Variants in CACNA2D1 observed in about 807,000 individuals in gnomAD.
The protein encoded by CACNA2D1 is voltage-dependent calcium channel subunit alpha-2/delta-1.
CACNA2D1 carries 53 observed loss-of-function variants against 171.5 expected under a neutral mutation model. The observed-to-expected ratio is 0.31, with a 90% CI of 0.25 to 0.39. The LOEUF is 0.39. CACNA2D1 is among the 10% of genes least tolerant of loss of function. The probability of loss-of-function intolerance (pLI) is 1.00; values close to 1 mark genes in which losing one functional copy is unlikely to be tolerated. For missense variants in CACNA2D1, 903 were observed against 1,299.8 expected (o/e 0.69, Z 4.69); for synonymous variants, 442 against 443.1 (o/e 1.00, Z 0.03).
At chr7:81,971,746 C>T (rs1795301221) in intron 26 of CACNA2D1, 31 bp downstream of exon 26, 1 of 1,204,142 alleles carries the variant, frequency 8.3e-7, no homozygotes, top group African/African-American at 1.5e-5. Context: ...ATGCAGAATA[C>T]ATATTTTTAT....
intron 38 of CACNA2D1, among the ~76,000 whole-genome samples, chr7:81,955,438 C>A (rs931455425): frequency 6.6e-6 from 1 of 152,086 alleles, no homozygotes; most frequent in East Asian, 1.9e-4. Context: ...GAAAATAATA[C>A]TTCCTTTGAT....
At chr7:82,390,839 T>A (rs1385321780) in intron 1 of CACNA2D1, among the ~76,000 whole-genome samples, 1 of 152,192 alleles carries the variant, frequency 6.6e-6, no homozygotes. Context: ...AAAATTTTTT[T>A]AATCTTTTCA....
At chr7:82,235,094 C>T (rs1021117404) in intron 3 of CACNA2D1, among the ~76,000 whole-genome samples, 1 of 151,732 alleles carries the variant, frequency 6.6e-6, no homozygotes, top group African/African-American at 2.4e-5. Context: ...TAAGTGAGCA[C>T]ACTAAAAAAG....
intron 1 of CACNA2D1, among the ~76,000 whole-genome samples, chr7:82,411,778 C>CATTA (rs1827694351): frequency 6.6e-6 from 1 of 151,762 alleles, no homozygotes; most frequent in Non-Finnish European, 1.5e-5. Flanking sequence ...GCATTTCTCG[C>CATTA]AATAGGCATG....
At chr7:82,159,380 CTATT>C (rs1174731435) in intron 4 of CACNA2D1, among the ~76,000 whole-genome samples, 1 of 151,770 alleles carries the variant, frequency 6.6e-6, no homozygotes, top group African/African-American at 2.4e-5. Context: ...ATATTTGAGA[CTATT>C]CATCAAGTTT....
At chr7:82,324,055 T>C (rs1291227413) in intron 3 of CACNA2D1, among the ~76,000 whole-genome samples, 1 of 152,106 alleles carries the variant, frequency 6.6e-6, no homozygotes, top group Non-Finnish European at 1.5e-5. Flanking sequence ...ACTGAGAGAT[T>C]TAAAACAGAA....
chr7:82,206,839 C>T (rs1800045213), intron 3 of CACNA2D1, among the ~76,000 whole-genome samples: 1 of 151,958 alleles, frequency 6.6e-6, no homozygotes, highest in East Asian at 1.9e-4. Context: ...AAAAACAAAA[C>T]AATAATGAAA....
chr7:82,083,981 C>T lies in CACNA2D1; in HGVS notation c.658+788G>A, dbSNP rs78211371. 1.6e-4 allele frequency among the ~76,000 whole-genome samples: 25 copies of T among 152,224 alleles called. 2 individuals are homozygous for T. In the East Asian group the frequency reaches 4.8e-3, roughly 29 times the overall value. The stretch of plus-strand genomic sequence containing the variant: ...CAATTTAAAGCCAAATTACCTAGCA[C>T]GTATCCCATAACTCAGATCATGTTT... On this transcript the variant is annotated intron_variant, in intron 7 of 38. Transcript: ENST00000356860.
At chr7:82,340,982 T>C (rs1352371679) in intron 2 of CACNA2D1, among the ~76,000 whole-genome samples, 1 of 152,218 alleles carries the variant, frequency 6.6e-6, no homozygotes, top group African/African-American at 2.4e-5. Context: ...GGATTCATTG[T>C]CACCTCTGCT....
At chr7:82,403,486 T>C (rs1318210688) in intron 1 of CACNA2D1, among the ~76,000 whole-genome samples, 1 of 152,226 alleles carries the variant, frequency 6.6e-6, no homozygotes, top group African/African-American at 2.4e-5. Context: ...TCAACTTGTC[T>C]TCTTCCTTGT....
intron 4 of CACNA2D1, among the ~76,000 whole-genome samples, chr7:82,162,408 G>A (rs571436418): frequency 5.9e-5 from 9 of 152,038 alleles, no homozygotes; most frequent in South Asian, 2.1e-4. Context: ...AGAAATCCAC[G>A]GCTAGGCTGG....
At chr7:82,021,677 GA>G (rs1174466876) in intron 12 of CACNA2D1, among the ~76,000 whole-genome samples, 3 of 151,924 alleles carry the variant, frequency 2.0e-5, no homozygotes, top group African/African-American at 7.2e-5. Flanking sequence ...TATTAGAGAG[GA>G]AGGCTCCAGA....
intron 3 of CACNA2D1, among the ~76,000 whole-genome samples, chr7:82,218,216 A>T (rs1178012980): frequency 2.0e-5 from 3 of 152,028 alleles, no homozygotes; most frequent in Non-Finnish European, 4.4e-5. Context: ...TTACAGGTGT[A>T]AGCCACCGTG....
intron 1 of CACNA2D1, among the ~76,000 whole-genome samples, chr7:82,362,304 C>G: frequency 6.6e-6 from 1 of 152,158 alleles, no homozygotes; most frequent in Admixed American, 6.5e-5. Flanking sequence ...TAGATTTCAA[C>G]AAGCAGTTTT....
At chr7:82,099,497 T>A (rs1812395985) in intron 6 of CACNA2D1, among the ~76,000 whole-genome samples, 1 of 46,678 alleles carries the variant, frequency 2.1e-5, no homozygotes, top group African/African-American at 6.6e-5. Context: ...TCGCCCAGGC[T>A]GGAGTGCAGC....
At chr7:82,170,500 T>A (rs1021239282) in intron 4 of CACNA2D1, 50 bp downstream of exon 4, 1 of 1,207,176 alleles carries the variant, frequency 8.3e-7, no homozygotes, top group Non-Finnish European at 1.2e-6. Flanking sequence ...TAATTATCCA[T>A]ACACAATATG....
intron 10 of CACNA2D1, among the ~76,000 whole-genome samples, chr7:82,055,930 G>GTGTATATATATATA (rs71093357): frequency 1.5e-3 from 168 of 111,448 alleles, no homozygotes; most frequent in African/African-American, 5.6e-3. Flanking sequence ...GTGTGTGTGT[G>GTGTATATATATATA]TATATATATA....
intron 3 of CACNA2D1, among the ~76,000 whole-genome samples, chr7:82,277,188 TA>T (rs1809458504): frequency 6.6e-6 from 1 of 152,108 alleles, no homozygotes; most frequent in Non-Finnish European, 1.5e-5. Flanking sequence ...CTTATTTGAA[TA>T]TTTAATTGCG....
rs1792223826 is a variant in CACNA2D1 at position 81,948,503 on chromosome 7, G to T, written c.*1889C>A. On this transcript the variant is annotated 3_prime_UTR_variant, in exon 39 of 39. Transcript: ENST00000356860. Reference sequence around the variant, plus strand: ...GAAATGTACACAAATGGTACCTAAGGTATATTGGTGGTGGGAGGGAATTAC... The same window carrying T: ...GAAATGTACACAAATGGTACCTAAGTTATATTGGTGGTGGGAGGGAATTAC... 6.6e-6 allele frequency: 1 copy of T among 151,602 alleles called. No homozygotes were observed. The highest frequency in any genetic ancestry group is 6.6e-5 in the Admixed American group (1 of 15,204). 9.4% of individuals were successfully genotyped at this position (151,602 alleles called of 1,614,324 possible).
Sources: allele counts gnomAD v4.1 joint callset (sites outside exome capture counted in the v4.1 genomes callset), GRCh38; gene constraint gnomAD v4.1.1; transcripts MANE v1.5; gene names NCBI Gene and HGNC (gene_info 2026-07-23, HGNC 2026-07-21).